The following A1CF variants were observed in gnomAD, a reference collection of about 807,000 sequenced individuals.
A1CF encodes the protein APOBEC1 complementation factor.
A1CF carries 48 observed loss-of-function variants against 68.9 expected under a neutral mutation model. The ratio of observed to expected loss-of-function variants is 0.70; its 90% CI spans 0.55 to 0.89. The LOEUF (loss-of-function observed/expected upper bound fraction) is 0.89, where lower values mean the gene tolerates loss of function less well. Among genes scored for constraint, A1CF ranks in the 40% least tolerant of loss-of-function variants. The pLI is 0.00. For missense variants in A1CF, 653 were observed against 718.9 expected (o/e 0.91, Z 1.05); for synonymous variants, 272 against 260.4 (o/e 1.04, Z -0.43).
intron 6 of A1CF, among the ~76,000 whole-genome samples, chr10:50,834,989 A>G (rs1839420309): frequency 6.6e-6 from 1 of 152,204 alleles, no homozygotes; most frequent in Non-Finnish European, 1.5e-5. Context: ...GTATGCCCCC[A>G]TGAGGAGTCT....
chr10:50,820,525 C>T lies in A1CF; in HGVS notation c.867+27G>A, dbSNP rs759653673. 5.6e-6 allele frequency: 9 copies of T among 1,598,128 alleles called. No individual in the cohort carries two copies. The Admixed American group carries it at 8.4e-5, about 15-fold the overall frequency. Reference sequence around the variant, plus strand: ...CCACACCAAACTTGGATGTAATCTGCATATTTTTTTCTTTCTTCTACCTTA... The same window carrying T: ...CCACACCAAACTTGGATGTAATCTGTATATTTTTTTCTTTCTTCTACCTTA... On this transcript the variant is annotated intron_variant, in intron 8 of 12. Coordinates refer to ENST00000373997, the MANE Select transcript of A1CF (RefSeq NM_014576.4).
intron 3 of A1CF, among the ~76,000 whole-genome samples, chr10:50,846,062 T>C (rs1389014202): frequency 6.6e-6 from 1 of 152,132 alleles, no homozygotes; most frequent in South Asian, 2.1e-4. Flanking sequence ...TTTTATTACA[T>C]AAAATATTTG....
intron 8 of A1CF, chr10:50,816,521 C>T: frequency 4.4e-6 from 2 of 457,868 alleles, no homozygotes; most frequent in Non-Finnish European, 7.8e-6. Flanking sequence ...TGTCCATTGA[C>T]ATATTCATTA....
chr10:50,855,928 C>G (rs1402830532), intron 3 of A1CF, among the ~76,000 whole-genome samples: 1 of 151,892 alleles, frequency 6.6e-6, no homozygotes, highest in South Asian at 2.1e-4. Context: ...AAAAAGTAAA[C>G]TTGATGTTCT....
Position 50,828,164 on chromosome 10 carries a change from T to C in A1CF, c.736A>G (p.Met246Val). The C allele has an allele frequency of 6.3e-7, 1 of 1,592,350 alleles. No individual in the cohort carries two copies. The highest frequency in any genetic ancestry group is 8.6e-7 in the Non-Finnish European group (1 of 1,165,684). The change falls in exon 7 of 13, where the codon ATG (methionine) becomes GTG (valine). Residue 246 changes from methionine to valine, a missense_variant. Met to Val is a conservative substitution (Grantham distance 21). Coordinates refer to ENST00000373997, the MANE Select transcript of A1CF (RefSeq NM_014576.4). ...ATATTGTTGAATTCCTTTTCAATCATCTCTTCAGAGGTAGACAGCATAAGA... is the reference window on the plus strand; with the variant it reads ...ATATTGTTGAATTCCTTTTCAATCACCTCTTCAGAGGTAGACAGCATAAGA... ...RNLMLSTSEEMIEKEFNNIKP... is the reference protein window; with the variant it reads ...RNLMLSTSEEVIEKEFNNIKP...
chr10:50,852,667 G>A (rs1259518987), intron 3 of A1CF, among the ~76,000 whole-genome samples: 1 of 152,180 alleles, frequency 6.6e-6, no homozygotes, highest in Non-Finnish European at 1.5e-5. Context: ...GGACCCAGGA[G>A]CTATATTTTG....
chr10:50,859,831 C>G lies in A1CF; in HGVS notation c.99+11G>C, dbSNP rs1840659518. On this transcript the variant is annotated intron_variant, in intron 3 of 12. Transcript: ENST00000373997. ...CAGTGGTGAGTCTCAGCAGATTTCA[C>G]AAGTTCCTACCTGGACCAAGCTATA... 1.9e-6 allele frequency: 3 copies of G among 1,611,736 alleles called. No homozygotes were observed. Among genetic ancestry groups the G allele is most frequent in the Admixed American group, 1.7e-5 (1 of 59,748 alleles).
At chr10:50,848,763 T>C (rs1840108358) in intron 3 of A1CF, among the ~76,000 whole-genome samples, 1 of 152,200 alleles carries the variant, frequency 6.6e-6, no homozygotes, top group Admixed American at 6.5e-5. Context: ...CATTTTCCAA[T>C]TGACCAGGTT....
intron 12 of A1CF, among the ~76,000 whole-genome samples, chr10:50,809,693 C>T (rs1388658443): frequency 6.6e-6 from 1 of 152,164 alleles, no homozygotes; most frequent in Non-Finnish European, 1.5e-5. Flanking sequence ...GAGACCAGAA[C>T]CCACTCTGCT....
chr10:50,809,387 T>C (rs1485245546), intron 12 of A1CF, among the ~76,000 whole-genome samples: 1 of 152,192 alleles, frequency 6.6e-6, no homozygotes, highest in Non-Finnish European at 1.5e-5. Context: ...GGAGAAAAGA[T>C]TGCTGAAAAG....
intron 1 of A1CF, among the ~76,000 whole-genome samples, chr10:50,875,994 C>A (rs1207532151): frequency 6.6e-6 from 1 of 152,214 alleles, no homozygotes; most frequent in East Asian, 1.9e-4. Flanking sequence ...CTATTCCATG[C>A]TCAAGTCCAT....
chr10:50,844,241 A>G, intron 3 of A1CF, 119 bp from the exon 4 acceptor site: 3 of 1,403,880 alleles, frequency 2.1e-6, no homozygotes, highest in Non-Finnish European at 2.9e-6. Flanking sequence ...TTGACAAGTA[A>G]TAATAGTGGA....
chr10:50,835,265 T>A (rs1185774967), intron 6 of A1CF, among the ~76,000 whole-genome samples: 1 of 151,854 alleles, frequency 6.6e-6, no homozygotes, highest in Non-Finnish European at 1.5e-5. Flanking sequence ...TTTTGAAGAG[T>A]GTTTACAAAG....
chr10:50,850,918 A>G, intron 3 of A1CF: 2 of 1,289,588 alleles, frequency 1.6e-6, no homozygotes, highest in Non-Finnish European at 2.1e-6. Context: ...TTTTTTGTTT[A>G]CTTACAATTT....
At chr10:50,813,727 T>C (rs1838230903) in intron 10 of A1CF, 130 bp downstream of exon 10, 1 of 860,046 alleles carries the variant, frequency 1.2e-6, no homozygotes, top group East Asian at 2.7e-5. Flanking sequence ...GTGACATTCA[T>C]TGGATGCTTT....
intron 5 of A1CF, among the ~76,000 whole-genome samples, chr10:50,836,967 T>C (rs1370291217): frequency 1.3e-5 from 2 of 151,982 alleles, no homozygotes; most frequent in Non-Finnish European, 2.9e-5. Context: ...TCCCCAACAC[T>C]GAGGTCCCTA....
intron 3 of A1CF, 47 bp downstream of exon 3, chr10:50,859,795 C>T (rs1407591208): frequency 6.5e-6 from 10 of 1,546,394 alleles, no homozygotes; most frequent in Non-Finnish European, 8.9e-6. Context: ...ATTCCCACCA[C>T]TGTGCAAATT....
At chr10:50,856,780 T>C (rs965046358) in intron 3 of A1CF, among the ~76,000 whole-genome samples, 1 of 152,084 alleles carries the variant, frequency 6.6e-6, no homozygotes, top group Non-Finnish European at 1.5e-5. Context: ...TTTTTGTTAT[T>C]ATTATTATTA....
Position 50,802,648 on chromosome 10 carries a change from A to AT in A1CF, c.*4080dup, listed in dbSNP as rs1308048166. On this transcript the variant is annotated 3_prime_UTR_variant, in exon 13 of 13. Coordinates refer to ENST00000373997, the MANE Select transcript of A1CF (RefSeq NM_014576.4). Reference sequence around the variant, plus strand: ...TATGTGAATATTGAGCACATAGTTCATTTTTTGTTGTAAGTTACTTTTAGG... The same window carrying AT: ...TATGTGAATATTGAGCACATAGTTCATTTTTTTGTTGTAAGTTACTTTTAGG... 5.3e-5 allele frequency: 8 copies of AT among 150,908 alleles called. No homozygotes were observed. Among genetic ancestry groups the AT allele is most frequent in the Admixed American group, 2.0e-4 (3 of 14,858 alleles). 9.3% of individuals were successfully genotyped at this position (150,908 alleles called of 1,614,324 possible). A position where few individuals can be genotyped will look rare whatever the true frequency, so the allele number is the denominator to read the frequency against.
Sources: allele counts gnomAD v4.1 joint callset (sites outside exome capture counted in the v4.1 genomes callset), GRCh38; gene constraint gnomAD v4.1.1; transcripts MANE v1.5; gene names NCBI Gene and HGNC (gene_info 2026-07-23, HGNC 2026-07-21).